PWP1: variants seen among roughly 807,000 people sequenced by gnomAD.
PWP1 encodes the protein PWP1 homolog, endonuclein, also known as periodic tryptophan protein 1 homolog.
Under a neutral mutation model 69.9 loss-of-function variants are expected in PWP1, and 47 were observed. The ratio of observed to expected loss-of-function variants is 0.67; its 90% CI spans 0.53 to 0.86. The LOEUF (loss-of-function observed/expected upper bound fraction) is 0.86. PWP1 is among the 40% of genes least tolerant of loss of function. PWP1 has a pLI of 0.00. For synonymous variants in PWP1, 222 were observed against 208.2 expected, an observed-to-expected ratio of 1.07 and a Z score of -0.57; for missense variants, 551 against 608.8, an observed-to-expected ratio of 0.91 and a Z score of 1.00.
At position 107,690,506 on chromosome 12, in the gene PWP1, C is replaced by T. The variant is rs113800653; in HGVS notation, c.319+1704C>T. Among the ~76,000 whole-genome samples, 1,476 of 152,228 alleles carry T rather than the reference C, an allele frequency of 9.7e-3. 27 individuals are homozygous for T. The highest frequency in any genetic ancestry group is 0.034 in the African/African-American group (1,414 of 41,540). ...TGAGACGGAGTCTTGCTCTGTTGCCCAGGCTAGAGTGCTGTAGTGCAATCT... is the reference window on the plus strand; with the variant it reads ...TGAGACGGAGTCTTGCTCTGTTGCCTAGGCTAGAGTGCTGTAGTGCAATCT... On this transcript the variant is annotated intron_variant, in intron 3 of 14. Coordinates refer to ENST00000412830, the MANE Select transcript of PWP1 (RefSeq NM_007062.3).
At chr12:107,696,312 C>T (rs1020536392) in intron 5 of PWP1, among the ~76,000 whole-genome samples, 162 bp from the exon 6 acceptor site, 2 of 152,050 alleles carry the variant, frequency 1.3e-5, no homozygotes, top group African/African-American at 4.8e-5. Flanking sequence ...GGATTACAGG[C>T]ACGAGCCACT....
chr12:107,712,148 TG>T lies in PWP1; in HGVS notation c.1437del (p.Ser480ValfsTer33), dbSNP rs1279511739. On this transcript the variant is annotated frameshift_variant, in exon 15 of 15. Transcript: ENST00000412830. LOFTEE classifies it high-confidence loss of function. ...AFGRRERLVL[G>X]SARNSSISGP... is the part of the protein sequence containing the mutation. The stretch of plus-strand genomic sequence containing the variant: ...TTGGAAGACGAGAGAGGCTTGTTCT[TG>T]GGAGTGCAAGAAATTCATCTATTAG... The T allele has an allele frequency of 1.3e-5, 21 of 1,614,088 alleles. No individual in the cohort carries two copies. The highest frequency in any genetic ancestry group is 1.8e-5 in the Non-Finnish European group (21 of 1,179,956).
At chr12:107,694,943 TAA>T (rs1326739042) in intron 5 of PWP1, among the ~76,000 whole-genome samples, 1 of 152,012 alleles carries the variant, frequency 6.6e-6, no homozygotes, top group African/African-American at 2.4e-5. Context: ...CTCACGTGGT[TAA>T]GAGTATATTT....
chr12:107,686,032 C>T (rs371942426), intron 1 of PWP1, 61 bp downstream of exon 1: 1 of 1,570,332 alleles, frequency 6.4e-7, no homozygotes, highest in East Asian at 2.3e-5. Flanking sequence ...GGGGTCCGCC[C>T]AGCTGGGGGA....
chr12:107,692,823 C>A lies in PWP1; in HGVS notation c.329C>A (p.Thr110Asn), dbSNP rs1889505511. Residue 110 changes from threonine to asparagine, a missense_variant, in exon 4 of 15, where the codon ACT becomes AAT. Physicochemically the swap from Thr to Asn is moderately conservative, Grantham distance 65 (BLOSUM62 0). Transcript: ENST00000412830. ...TCAATTTTTCTTACAGATGCTGAGA[C>A]TCTTGGTGAATCTCTCTTGGGTCTT... ...YDEEGDPDAE[T>N]LGESLLGLTV... 1.2e-6 allele frequency: 2 copies of A among 1,612,246 alleles called. No homozygotes were observed. Among genetic ancestry groups the A allele is most frequent in the East Asian group, 4.5e-5 (2 of 44,854 alleles).
chr12:107,702,813 T>C (rs555675644), intron 8 of PWP1, 122 bp from the exon 9 acceptor site: 1 of 667,210 alleles, frequency 1.5e-6, no homozygotes, highest in Admixed American at 2.6e-5. Context: ...TTACATTTCT[T>C]TTGTTAAATT....
In PWP1 at chr12:107,696,096, G is replaced by A. The variant is rs533745022; in HGVS notation, c.503-378G>A. 5.5e-5 allele frequency among the ~76,000 whole-genome samples: 8 copies of A among 145,760 alleles called. No individual in the cohort carries two copies. In the South Asian group the frequency reaches 1.5e-3, roughly 28 times the overall value. On this transcript the variant is annotated intron_variant, in intron 5 of 14. Coordinates refer to ENST00000412830, the MANE Select transcript of PWP1 (RefSeq NM_007062.3). ...CGCCCAGGCTGGAGTGCAGTGGTGC[G>A]ATCTCAGCTCACTGCAACCTCCACC...
At chr12:107,695,299 A>C (rs1889561744) in intron 5 of PWP1, among the ~76,000 whole-genome samples, 2 of 152,100 alleles carry the variant, frequency 1.3e-5, no homozygotes, top group African/African-American at 4.8e-5. Context: ...TTTTATGTAA[A>C]ATGTAAGCTG....
rs1402738611 is a variant in PWP1, at chr12:107,712,780, AGAGGCAGACCATTCATTC to A, written c.*561_*578del. On this transcript the variant is annotated 3_prime_UTR_variant, in exon 15 of 15. Transcript: ENST00000412830. ...ATGATATTCACTGTTATCAAAGACA[AGAGGCAGACCATTCATTC>A]ATTCTCAAAACACTGAATGCCATTC... The A allele has an allele frequency of 1.3e-5, 2 of 152,558 alleles. No homozygotes were observed. Among genetic ancestry groups the A allele is most frequent in the East Asian group, 1.9e-4 (1 of 5,212 alleles). The allele number at this position is 152,558 out of a possible 1,614,324, so 9.5% of individuals were successfully genotyped here. A position where few individuals can be genotyped will look rare whatever the true frequency, so the allele number is the denominator to read the frequency against.
At chr12:107,689,169 C>T (rs188688223) in intron 3 of PWP1, among the ~76,000 whole-genome samples, 5 of 152,310 alleles carry the variant, frequency 3.3e-5, no homozygotes, top group African/African-American at 1.2e-4. Context: ...GTAGTCCCCC[C>T]TTATCCACGG....
At chr12:107,692,769 C>A (rs952293066) in intron 3 of PWP1, 45 bp from the exon 4 acceptor site, 3 of 1,480,310 alleles carry the variant, frequency 2.0e-6, no homozygotes, top group African/African-American at 2.8e-5. Flanking sequence ...ATGTTTTTGT[C>A]AAGATGACTA....
Position 107,703,037 on chromosome 12 carries a change from G to A in PWP1, c.903+6G>A. The A allele has an allele frequency of 6.3e-7, 1 of 1,575,752 alleles. No homozygotes were observed. The highest frequency in any genetic ancestry group is 8.7e-7 in the Non-Finnish European group (1 of 1,145,576). The stretch of plus-strand genomic sequence containing the variant: ...TCGCTGTACACACAGACAAGGTATG[G>A]TGATTTAGTTGATCACAGCGGTTCT... On this transcript the variant is annotated splice_donor_region_variant and intron_variant, in intron 9 of 14. Transcript: ENST00000412830.
chr12:107,704,811 TAGAG>T (rs950421712), intron 11 of PWP1, 64 bp downstream of exon 11: 11 of 1,270,616 alleles, frequency 8.7e-6, no homozygotes, highest in African/African-American at 1.5e-5. Context: ...AATTCCATAG[TAGAG>T]AGAATTATCT....
chr12:107,688,695 G>A lies in PWP1; in HGVS notation c.212G>A (p.Arg71His), dbSNP rs748712055. The stretch of plus-strand genomic sequence containing the variant: ...ATGCAGAGTGCACGCACCCAGGCAC[G>A]CCCAAGAGAGCCCCTGGAGGATGGT... ...DGMQSARTQA[R>H]PREPLEDGDP... Residue 71 changes from arginine to histidine, a missense_variant, in exon 3 of 15, where the codon CGC (arginine) becomes CAC (histidine). Arg to His is a conservative substitution (Grantham distance 29). Transcript: ENST00000412830. The A allele has an allele frequency of 9.3e-6, 15 of 1,614,068 alleles. No individual in the cohort carries two copies. Among genetic ancestry groups the A allele is most frequent in the Middle Eastern group, 1.6e-4 (1 of 6,084 alleles).
rs766072400 is a variant in PWP1, at chr12:107,696,482, CAAG to C, written c.519_521del (p.Glu173del). The C allele has an allele frequency of 7.4e-6, 12 of 1,612,700 alleles. No individual in the cohort carries two copies. The highest frequency in any genetic ancestry group is 4.5e-5 in the East Asian group (2 of 44,850). ...TTTCCCAATCTTTTCAGTTTATAAT[CAAG>C]AAGAAGACTCTTTTTATGTACACCA... is the stretch of plus-strand genomic sequence containing the variant. On this transcript the variant is annotated inframe_deletion, in exon 6 of 15. Transcript: ENST00000412830.
At chr12:107,695,770 G>C (rs1889569934) in intron 5 of PWP1, among the ~76,000 whole-genome samples, 1 of 152,088 alleles carries the variant, frequency 6.6e-6, no homozygotes, top group Non-Finnish European at 1.5e-5. Context: ...TCTCTCCCAT[G>C]CTATTTTTGG....
chr12:107,694,360 C>T (rs1889542522), intron 5 of PWP1, among the ~76,000 whole-genome samples: 2 of 152,146 alleles, frequency 1.3e-5, no homozygotes, highest in African/African-American at 4.8e-5. Flanking sequence ...TTATAGGAAA[C>T]ACAGTTGCAC....
intron 11 of PWP1, 111 bp from the exon 12 acceptor site, chr12:107,708,815 A>G (rs1889880145): frequency 1.0e-6 from 1 of 983,740 alleles, no homozygotes; most frequent in South Asian, 1.5e-5. Context: ...TTAATTTTTC[A>G]TAAGTTCCAC....
rs1889988580 is a variant in PWP1 at position 107,712,967 on chromosome 12, AAT to A, written c.*750_*751del. 1.3e-5 allele frequency: 2 copies of A among 152,224 alleles called. No individual in the cohort carries two copies. The highest frequency in any genetic ancestry group is 1.3e-4 in the Admixed American group (2 of 15,282). The allele number at this position is 152,224 out of a possible 1,614,324, so 9.4% of individuals were successfully genotyped here. On this transcript the variant is annotated 3_prime_UTR_variant, in exon 15 of 15. Transcript: ENST00000412830. ...CATTAAAAATCGTAATTAGTTTGAT[AAT>A]ATGAGACCCAACCCTAACTTGCCAG...
Sources: allele counts gnomAD v4.1 joint callset (sites outside exome capture counted in the v4.1 genomes callset), GRCh38; gene constraint gnomAD v4.1.1; transcripts MANE v1.5; gene names NCBI Gene and HGNC (gene_info 2026-07-23, HGNC 2026-07-21).